Variants in CDH12 observed in about 807,000 individuals in gnomAD.
CDH12 encodes the protein cadherin-12.
In CDH12, 41 loss-of-function variants were observed where a neutral mutation model predicts 74.1. That is an observed-to-expected ratio of 0.55 (90% CI 0.43 to 0.72). The LOEUF is 0.72. Ranked by LOEUF, CDH12 falls within the 30% of genes least tolerant of loss-of-function variation. The pLI is 0.00. For missense variants in CDH12, 945 were observed against 977.2 expected (o/e 0.97, Z 0.44); for synonymous variants, 399 against 355.0 (o/e 1.12, Z -1.39).
At chr5:22,559,683 G>A (rs1439787586) in intron 1 of CDH12, among the ~76,000 whole-genome samples, 1 of 152,038 alleles carries the variant, frequency 6.6e-6, no homozygotes, top group East Asian at 1.9e-4. Flanking sequence ...AATTTTAACT[G>A]TATGAAAGTT....
At chr5:21,854,061 C>A (rs1179584900) in intron 7 of CDH12, among the ~76,000 whole-genome samples, 1 of 151,570 alleles carries the variant, frequency 6.6e-6, no homozygotes, top group Admixed American at 6.6e-5. Flanking sequence ...ACAAAATATT[C>A]CACATGCATA....
At chr5:22,513,645 G>A (rs1561459770) in intron 1 of CDH12, among the ~76,000 whole-genome samples, 1 of 152,036 alleles carries the variant, frequency 6.6e-6, no homozygotes, top group Non-Finnish European at 1.5e-5. Context: ...ATGTTATAGA[G>A]TACTTAGAAT....
intron 1 of CDH12, among the ~76,000 whole-genome samples, chr5:22,668,948 G>C: frequency 6.7e-6 from 1 of 150,344 alleles, no homozygotes; most frequent in East Asian, 2.0e-4. Context: ...GTTTGATTTT[G>C]TATTCAGGTT....
At chr5:21,957,694 C>T (rs1580015991) in intron 6 of CDH12, among the ~76,000 whole-genome samples, 1 of 152,082 alleles carries the variant, frequency 6.6e-6, no homozygotes, top group Non-Finnish European at 1.5e-5. Flanking sequence ...TTTTCACATG[C>T]TTGTTGGCTG....
At chr5:21,875,798 C>A (rs1206401205) in intron 6 of CDH12, among the ~76,000 whole-genome samples, 1 of 151,978 alleles carries the variant, frequency 6.6e-6, no homozygotes, top group Admixed American at 6.6e-5. Context: ...GGACTCAAAA[C>A]TTCATTCCTT....
chr5:21,957,818 A>C (rs1756169420), intron 6 of CDH12, among the ~76,000 whole-genome samples: 1 of 151,990 alleles, frequency 6.6e-6, no homozygotes, highest in African/African-American at 2.4e-5. Flanking sequence ...GATTTTAGAC[A>C]TTTGTCAGAC....
At chr5:22,432,586 C>A (rs1004502424) in intron 2 of CDH12, among the ~76,000 whole-genome samples, 1 of 151,268 alleles carries the variant, frequency 6.6e-6, no homozygotes, top group Non-Finnish European at 1.5e-5. Flanking sequence ...TGTATAAAAT[C>A]TTCTATTCAA....
chr5:22,501,532 A>G (rs1387527078), intron 2 of CDH12, among the ~76,000 whole-genome samples: 3 of 152,158 alleles, frequency 2.0e-5, no homozygotes, highest in Non-Finnish European at 2.9e-5. Context: ...TATTCTGTGT[A>G]GATGATGAAT....
chr5:22,750,138 G>A (rs1331047941), intron 1 of CDH12, among the ~76,000 whole-genome samples: 1 of 152,138 alleles, frequency 6.6e-6, no homozygotes, highest in Non-Finnish European at 1.5e-5. Flanking sequence ...TTATGTTGAG[G>A]AAGTAAAATG....
intron 1 of CDH12, among the ~76,000 whole-genome samples, chr5:22,637,008 GT>G (rs1022816079): frequency 6.6e-6 from 1 of 152,148 alleles, no homozygotes; most frequent in African/African-American, 2.4e-5. Context: ...AAGACTTAAT[GT>G]TATCTATAGT....
chr5:22,531,048 C>T (rs778886324), intron 1 of CDH12, among the ~76,000 whole-genome samples: 2 of 152,044 alleles, frequency 1.3e-5, no homozygotes, highest in Non-Finnish European at 2.9e-5. Context: ...AAAGTCTTTG[C>T]TATGCATGAT....
chr5:22,095,018 C>T (rs1043258997), intron 4 of CDH12, among the ~76,000 whole-genome samples: 1 of 152,186 alleles, frequency 6.6e-6, no homozygotes, highest in African/African-American at 2.4e-5. Context: ...CTTTATTGCT[C>T]ACACAAAGCC....
At chr5:21,902,291 T>C in intron 6 of CDH12, among the ~76,000 whole-genome samples, 1 of 150,468 alleles carries the variant, frequency 6.6e-6, no homozygotes, top group Non-Finnish European at 1.5e-5. Flanking sequence ...GTATTATATG[T>C]ATATATGTAT....
At chr5:22,541,159 C>T (rs1738082422) in intron 1 of CDH12, among the ~76,000 whole-genome samples, 1 of 152,146 alleles carries the variant, frequency 6.6e-6, no homozygotes, top group Admixed American at 6.6e-5. Flanking sequence ...GCCTATCAAG[C>T]CATCAAAGAT....
intron 1 of CDH12, among the ~76,000 whole-genome samples, chr5:22,794,813 C>T (rs2963421): frequency 0.21 from 32,578 of 151,860 alleles, 4,708 homozygotes; most frequent in African/African-American, 0.41. Context: ...GGAGAGATCA[C>T]CCTGGATTAT....
intron 2 of CDH12, among the ~76,000 whole-genome samples, chr5:22,461,030 CT>C (rs34555692): frequency 3.1e-3 from 198 of 63,554 alleles, no homozygotes; most frequent in East Asian, 0.025. Context: ...CAATGTCTAG[CT>C]TTTTTTTTTT....
At chr5:22,324,213 C>G (rs1481621576) in intron 3 of CDH12, among the ~76,000 whole-genome samples, 1 of 151,950 alleles carries the variant, frequency 6.6e-6, no homozygotes, top group Non-Finnish European at 1.5e-5. Flanking sequence ...GCAATTTTTA[C>G]TAAAATTACT....
At chr5:21,930,636 C>A (rs559907589) in intron 6 of CDH12, among the ~76,000 whole-genome samples, 1 of 152,272 alleles carries the variant, frequency 6.6e-6, no homozygotes, top group South Asian at 2.1e-4. Flanking sequence ...TAACTCCCAT[C>A]CCTACTATAT....
At chr5:22,456,131 ATAT>A (rs1183915466) in intron 2 of CDH12, among the ~76,000 whole-genome samples, 14 of 150,612 alleles carry the variant, frequency 9.3e-5, no homozygotes, top group South Asian at 8.8e-4. Flanking sequence ...ATATATATAT[ATAT>A]AAAACGATCT....
Sources: gnomAD v4.1 joint callset for allele counts (sites outside exome capture counted in the v4.1 genomes callset) on GRCh38, gnomAD v4.1.1 for gene constraint, MANE v1.5 for transcripts, NCBI Gene and HGNC (gene_info 2026-07-23, HGNC 2026-07-21) for gene names.